The following TAFA2 variants were observed in gnomAD, a reference collection of about 807,000 sequenced individuals.
TAFA2 encodes the protein TAFA chemokine like family member 2, also known as chemokine-like protein TAFA-2.
Under a neutral mutation model 18.8 loss-of-function variants are expected in TAFA2, and 7 were observed. The ratio of observed to expected loss-of-function variants is 0.37; its 90% confidence interval spans 0.21 to 0.70. The LOEUF is 0.70. TAFA2 is among the 30% of genes least tolerant of loss of function. The pLI, the probability that TAFA2 is intolerant of heterozygous loss-of-function variation, is 0.53. For synonymous variants in TAFA2, 60 were observed against 54.2 expected (o/e 1.11, Z -0.47); for missense variants, 122 against 158.1 (o/e 0.77, Z 1.23).
chr12:61,754,107 G>A (rs1869148598), intron 3 of TAFA2, among the ~76,000 whole-genome samples: 1 of 151,882 alleles, frequency 6.6e-6, no homozygotes, highest in African/African-American at 2.4e-5. Flanking sequence ...ATGCAAATGT[G>A]TATATGCACC....
intron 1 of TAFA2, among the ~76,000 whole-genome samples, chr12:62,226,517 T>A (rs1392248178): frequency 6.6e-6 from 1 of 152,110 alleles, no homozygotes; most frequent in Non-Finnish European, 1.5e-5. Flanking sequence ...TTTTAAGCAA[T>A]CTCATTCCAC....
chr12:61,907,881 T>G (rs1424185259), intron 1 of TAFA2, among the ~76,000 whole-genome samples: 1 of 152,222 alleles, frequency 6.6e-6, no homozygotes, highest in African/African-American at 2.4e-5. Context: ...TAAGTTTTAA[T>G]GACTGCCCTA....
In TAFA2 at chr12:61,970,042, G is replaced by T. The variant is rs140984659; in HGVS notation, c.-1-102616C>A. On this transcript the variant is annotated intron_variant, in intron 1 of 4. Coordinates refer to ENST00000416284, the MANE Select transcript of TAFA2 (RefSeq NM_178539.5). ...GGCCTAGACTCAAAGCAGAAGTTTG[G>T]ACCCTGCCATTTCAACTCTGAGGAT... Among the ~76,000 whole-genome samples the T allele has an allele frequency of 4.5e-3, 684 of 151,618 alleles. 4 individuals are homozygous for T. The highest frequency in any genetic ancestry group is 6.2e-3 in the Non-Finnish European group (419 of 67,706).
intron 1 of TAFA2, among the ~76,000 whole-genome samples, chr12:62,056,192 G>T (rs974400298): frequency 2.0e-5 from 3 of 152,006 alleles, no homozygotes; most frequent in Non-Finnish European, 4.4e-5. Context: ...TATTATGAGG[G>T]GGGTGGTGAA....
At chr12:61,835,497 A>C (rs1160509922) in intron 2 of TAFA2, among the ~76,000 whole-genome samples, 1 of 152,024 alleles carries the variant, frequency 6.6e-6, no homozygotes, top group African/African-American at 2.4e-5. Flanking sequence ...AGTAGTACCC[A>C]ATAGGTAGTT....
intron 4 of TAFA2, among the ~76,000 whole-genome samples, chr12:61,737,964 T>A (rs574229497): frequency 6.6e-6 from 1 of 152,112 alleles, no homozygotes; most frequent in East Asian, 1.9e-4. Flanking sequence ...TAACATCTCC[T>A]AAGAGCAAAA....
At chr12:61,778,838 C>G (rs1273589242) in intron 2 of TAFA2, among the ~76,000 whole-genome samples, 2 of 151,906 alleles carry the variant, frequency 1.3e-5, no homozygotes, top group African/African-American at 4.8e-5. Flanking sequence ...CCTCCATCAC[C>G]ATCTAGCCCC....
chr12:61,898,087 C>G (rs974557240), intron 1 of TAFA2, among the ~76,000 whole-genome samples: 1 of 152,232 alleles, frequency 6.6e-6, no homozygotes, highest in African/African-American at 2.4e-5. Flanking sequence ...CCAAAACAAT[C>G]TTCTTCTAAC....
At chr12:61,898,553 G>A (rs1370237991) in intron 1 of TAFA2, among the ~76,000 whole-genome samples, 1 of 152,196 alleles carries the variant, frequency 6.6e-6, no homozygotes, top group Non-Finnish European at 1.5e-5. Flanking sequence ...ACCAAGGCTT[G>A]GGGCTTCCAC....
chr12:62,246,748 G>T (rs2062888265), intron 1 of TAFA2, among the ~76,000 whole-genome samples: 1 of 152,014 alleles, frequency 6.6e-6, no homozygotes, highest in African/African-American at 2.4e-5. Context: ...CTCAAAGTCT[G>T]TATTATTGAT....
At chr12:61,783,459 C>T (rs775050269) in intron 2 of TAFA2, among the ~76,000 whole-genome samples, 13 of 151,486 alleles carry the variant, frequency 8.6e-5, no homozygotes, top group East Asian at 3.9e-4. Flanking sequence ...CTCTATTGTA[C>T]GAATTGGCTT....
chr12:61,857,430 T>C (rs945945195), intron 2 of TAFA2, among the ~76,000 whole-genome samples: 1 of 152,218 alleles, frequency 6.6e-6, no homozygotes, highest in African/African-American at 2.4e-5. Flanking sequence ...GAGGGGAAGC[T>C]TTATATACTT....
At chr12:62,141,065 T>C (rs1233183367) in intron 1 of TAFA2, among the ~76,000 whole-genome samples, 1 of 152,196 alleles carries the variant, frequency 6.6e-6, no homozygotes, top group East Asian at 1.9e-4. Flanking sequence ...GATTTCTTTA[T>C]CCTCATTTTA....
At chr12:62,139,372 G>T (rs534682641) in intron 1 of TAFA2, among the ~76,000 whole-genome samples, 93 of 152,256 alleles carry the variant, frequency 6.1e-4, no homozygotes, top group African/African-American at 2.2e-3. Context: ...TTTACGGATT[G>T]TCATTGACAA....
chr12:62,134,835 T>C (rs143094969), intron 1 of TAFA2, among the ~76,000 whole-genome samples: 1 of 152,036 alleles, frequency 6.6e-6, no homozygotes, highest in African/African-American at 2.4e-5. Context: ...TATATAGGCC[T>C]TATTTTAATT....
At chr12:61,963,461 T>A (rs1044028866) in intron 1 of TAFA2, among the ~76,000 whole-genome samples, 15 of 152,064 alleles carry the variant, frequency 9.9e-5, no homozygotes, top group African/African-American at 3.6e-4. Context: ...GATGAGTTCT[T>A]TTTCATATGT....
chr12:61,941,777 T>C lies in TAFA2; in HGVS notation c.-1-74351A>G, dbSNP rs546230310. Among the ~76,000 whole-genome samples, 3 of 152,242 alleles carry C rather than the reference T, an allele frequency of 2.0e-5. No homozygotes were observed. The South Asian group carries it at 6.2e-4, about 32-fold the overall frequency. On this transcript the variant is annotated intron_variant, in intron 1 of 4. Transcript: ENST00000416284. ...AAAAACGGCACACCACGAGACTATA[T>C]CCCACACCTGGCTCGGAGGGTCCTA... is the stretch of plus-strand genomic sequence containing the variant.
intron 1 of TAFA2, among the ~76,000 whole-genome samples, chr12:62,060,823 A>C (rs1205167393): frequency 6.6e-6 from 1 of 152,196 alleles, no homozygotes; most frequent in African/African-American, 2.4e-5. Context: ...AAAAGTAAAA[A>C]ATGTATTTAA....
intron 1 of TAFA2, among the ~76,000 whole-genome samples, chr12:62,140,674 T>G (rs1457615458): frequency 6.6e-6 from 1 of 152,214 alleles, no homozygotes; most frequent in Non-Finnish European, 1.5e-5. Context: ...AACAAATGTC[T>G]GCTTGGTTTC....
Sources: allele counts gnomAD v4.1 joint callset (sites outside exome capture counted in the v4.1 genomes callset), GRCh38; gene constraint gnomAD v4.1.1; transcripts MANE v1.5; gene names NCBI Gene and HGNC (gene_info 2026-07-23, HGNC 2026-07-21).